BTBD9: variants seen among roughly 807,000 people sequenced by gnomAD.
BTBD9 encodes BTB/POZ domain-containing protein 9.
BTBD9 carries 49 observed loss-of-function variants against 64.3 expected under a neutral mutation model. The ratio of observed to expected loss-of-function variants is 0.76; its 90% confidence interval spans 0.61 to 0.97. The LOEUF (loss-of-function observed/expected upper bound fraction) is 0.97, where lower values mean the gene tolerates loss of function less well. BTBD9 is among the 50% of genes least tolerant of loss of function. The pLI is 0.00. For synonymous variants in BTBD9, 260 were observed against 274.7 expected, an observed-to-expected ratio of 0.95 and a Z score of 0.53; for missense variants, 598 against 762.1, an observed-to-expected ratio of 0.78 and a Z score of 2.53.
intron 4 of BTBD9, chr6:38,588,373 C>A: frequency 1.2e-6 from 1 of 853,694 alleles, no homozygotes; most frequent in Non-Finnish European, 2.0e-6. Flanking sequence ...TGCCTCTCAA[C>A]CTAGAATGGC....
At chr6:38,326,017 A>T (rs1763412938) in intron 7 of BTBD9, among the ~76,000 whole-genome samples, 1 of 152,146 alleles carries the variant, frequency 6.6e-6, no homozygotes, top group Non-Finnish European at 1.5e-5. Flanking sequence ...AAAGAAAAAA[A>T]CTCCACATCT....
At position 38,191,398 on chromosome 6, in the gene BTBD9, G is replaced by A. The variant is rs542585704; in HGVS notation, c.1641+1121C>T. Among the ~76,000 whole-genome samples, 14 of 152,316 alleles carry A rather than the reference G, an allele frequency of 9.2e-5. No individual in the cohort carries two copies. In the East Asian group the frequency reaches 2.5e-3, roughly 27 times the overall value. ...CAGGGCCCATTTGCTGGATGGAAAC[G>A]AGAAGCCCTGTGTTCATAAAGCAGT... On this transcript the variant is annotated intron_variant, in intron 10 of 10. Coordinates refer to ENST00000481247, the MANE Select transcript of BTBD9 (RefSeq NM_001099272.2).
intron 6 of BTBD9, among the ~76,000 whole-genome samples, chr6:38,355,564 A>G (rs556158434): frequency 8.5e-5 from 13 of 152,232 alleles, no homozygotes; most frequent in Non-Finnish European, 1.9e-4. Flanking sequence ...AGAAAAACTT[A>G]ACGAGTGGAA....
At chr6:38,265,457 G>C (rs1312746154) in intron 8 of BTBD9, among the ~76,000 whole-genome samples, 3 of 151,778 alleles carry the variant, frequency 2.0e-5, no homozygotes, top group Admixed American at 2.0e-4. Flanking sequence ...AGCTGGATGG[G>C]GCAAAACTTT....
intron 6 of BTBD9, among the ~76,000 whole-genome samples, chr6:38,369,251 A>G (rs1468777279): frequency 6.6e-6 from 1 of 152,200 alleles, no homozygotes; most frequent in Non-Finnish European, 1.5e-5. Flanking sequence ...TCCATTCTTC[A>G]AACTTCTCCC....
chr6:38,540,166 G>C (rs145238429), intron 6 of BTBD9, among the ~76,000 whole-genome samples: 3 of 152,302 alleles, frequency 2.0e-5, no homozygotes, highest in African/African-American at 7.2e-5. Flanking sequence ...CGGCATATAG[G>C]AAAGCAGGAC....
intron 6 of BTBD9, among the ~76,000 whole-genome samples, chr6:38,452,205 C>T (rs1769586473): frequency 6.6e-6 from 1 of 151,986 alleles, no homozygotes; most frequent in Non-Finnish European, 1.5e-5. Flanking sequence ...ATTATTCTCC[C>T]CATTTTCAAA....
At chr6:38,344,960 C>T (rs920429573) in intron 7 of BTBD9, 24 bp downstream of exon 7, 12 of 1,433,984 alleles carry the variant, frequency 8.4e-6, no homozygotes, top group East Asian at 2.3e-5. Context: ...AATATACATA[C>T]AAAAATCTAA....
intron 4 of BTBD9, among the ~76,000 whole-genome samples, chr6:38,591,976 G>C (rs1217200918): frequency 1.3e-5 from 2 of 152,096 alleles, no homozygotes; most frequent in Non-Finnish European, 2.9e-5. Flanking sequence ...CCTGAGGTCA[G>C]GAGTTTGAGA....
chr6:38,266,153 G>T (rs1764964261), intron 8 of BTBD9, among the ~76,000 whole-genome samples: 1 of 152,158 alleles, frequency 6.6e-6, no homozygotes, highest in African/African-American at 2.4e-5. Context: ...TCTTACATGG[G>T]CTAAACACTG....
At chr6:38,439,580 C>A (rs1265927273) in intron 6 of BTBD9, among the ~76,000 whole-genome samples, 1 of 152,078 alleles carries the variant, frequency 6.6e-6, no homozygotes, top group Non-Finnish European at 1.5e-5. Context: ...GTACCCACCA[C>A]CATGGCCATC....
chr6:38,595,559 G>A (rs1776996346), intron 2 of BTBD9, among the ~76,000 whole-genome samples: 1 of 152,110 alleles, frequency 6.6e-6, no homozygotes, highest in African/African-American at 2.4e-5. Flanking sequence ...GAAGAATACA[G>A]AATGAGAAAG....
At chr6:38,175,918 A>C (rs1472505722) in intron 10 of BTBD9, among the ~76,000 whole-genome samples, 3 of 152,236 alleles carry the variant, frequency 2.0e-5, no homozygotes, top group African/African-American at 7.2e-5. Flanking sequence ...CCCAATGTGT[A>C]GAAGCCAGCC....
chr6:38,465,707 T>A (rs866321889), intron 6 of BTBD9, among the ~76,000 whole-genome samples: 89 of 46,828 alleles, frequency 1.9e-3, no homozygotes, highest in African/African-American at 6.4e-3. Flanking sequence ...AATAAATAAA[T>A]TATATATATA....
At chr6:38,379,848 T>G (rs1484008106) in intron 6 of BTBD9, among the ~76,000 whole-genome samples, 2 of 152,196 alleles carry the variant, frequency 1.3e-5, no homozygotes, top group Non-Finnish European at 2.9e-5. Flanking sequence ...AGGGAAGGAA[T>G]GCACAGGAGA....
intron 9 of BTBD9, among the ~76,000 whole-genome samples, chr6:38,194,879 G>A (rs1238385629): frequency 6.6e-6 from 1 of 152,230 alleles, no homozygotes; most frequent in African/African-American, 2.4e-5. Flanking sequence ...GGCAGGGCTG[G>A]CAGGGCAGCA....
intron 6 of BTBD9, among the ~76,000 whole-genome samples, chr6:38,393,112 G>A (rs1456938899): frequency 6.6e-6 from 1 of 152,102 alleles, no homozygotes; most frequent in Non-Finnish European, 1.5e-5. Context: ...CTAACCTCAG[G>A]TGATCCGTCC....
chr6:38,349,801 T>C (rs1417856866), intron 6 of BTBD9, among the ~76,000 whole-genome samples: 1 of 152,018 alleles, frequency 6.6e-6, no homozygotes, highest in Non-Finnish European at 1.5e-5. Context: ...AGGGAGGGGC[T>C]TGTCCTTCCA....
intron 4 of BTBD9, among the ~76,000 whole-genome samples, chr6:38,583,722 T>C (rs1165882684): frequency 6.6e-6 from 1 of 152,232 alleles, no homozygotes; most frequent in Non-Finnish European, 1.5e-5. Flanking sequence ...TTTTGAAGTT[T>C]ATTTCAAGGG....
Sources: allele counts gnomAD v4.1 joint callset (sites outside exome capture counted in the v4.1 genomes callset), GRCh38; gene constraint gnomAD v4.1.1; transcripts MANE v1.5; gene names NCBI Gene and HGNC (gene_info 2026-07-23, HGNC 2026-07-21).